TSGA10IP: variants seen among roughly 807,000 people sequenced by gnomAD.
The protein encoded by TSGA10IP is testis-specific protein 10-interacting protein.
A neutral mutation model predicts 63.2 loss-of-function variants in TSGA10IP; 64 were observed. The ratio of observed to expected loss-of-function variants is 1.01; its 90% CI spans 0.83 to 1.25. The LOEUF (loss-of-function observed/expected upper bound fraction) is 1.25. TSGA10IP is among the 50% of genes most tolerant of loss of function. The pLI, the probability that TSGA10IP is intolerant of heterozygous loss-of-function variation, is 0.00. For missense variants in TSGA10IP, 681 were observed against 710.1 expected (o/e 0.96, Z 0.47); for synonymous variants, 316 against 298.3 (o/e 1.06, Z -0.61).
At chr11:65,958,116 G>A (rs1007878634) in intron 5 of TSGA10IP, among the ~76,000 whole-genome samples, 4 of 152,000 alleles carry the variant, frequency 2.6e-5, no homozygotes, top group Non-Finnish European at 5.9e-5. Context: ...ACCATGTCTG[G>A]CTAATTTTTG....
At chr11:65,959,728 A>T in intron 7 of TSGA10IP, 89 bp from the exon 8 acceptor site, 1 of 1,470,542 alleles carries the variant, frequency 6.8e-7, no homozygotes, top group Non-Finnish European at 9.0e-7. Flanking sequence ...GCCGGCACTG[A>T]AGCAGGGTTT....
At chr11:65,947,794 G>A (rs761438471) in exon 3 of TSGA10IP, 13 of 1,576,818 alleles carry the variant, frequency 8.2e-6, no homozygotes, top group Non-Finnish European at 1.1e-5. Flanking sequence ...ACCTGGAGAA[G>A]CTGCACAGGC....
intron 4 of TSGA10IP, among the ~76,000 whole-genome samples, chr11:65,949,037 C>T (rs542720324): frequency 6.6e-6 from 1 of 150,968 alleles, no homozygotes; most frequent in Admixed American, 6.6e-5. Context: ...CCTGTCTCTA[C>T]AAAGGAAAAA....
chr11:65,954,421 G>A (rs967888285), intron 5 of TSGA10IP, among the ~76,000 whole-genome samples: 8 of 150,106 alleles, frequency 5.3e-5, no homozygotes, highest in African/African-American at 1.7e-4. Context: ...TGATCCACCC[G>A]CCTCAGCCTC....
rs1854808342 is a variant in TSGA10IP, at chr11:65,945,481, TG to T, written c.-192del. 3 of 589,572 alleles carry T rather than the reference TG, an allele frequency of 5.1e-6. No homozygotes were observed. The Admixed American group carries it at 9.4e-5, about 18-fold the overall frequency. The allele number at this position is 589,572 out of a possible 1,614,324, so 36.5% of individuals were successfully genotyped here. A position where few individuals can be genotyped will look rare whatever the true frequency, so the allele number is the denominator to read the frequency against. The stretch of plus-strand genomic sequence containing the variant: ...CTGTGGATGAGGCAGAGGCAGGACT[TG>T]GGCCTGGGTCTCTGCGCTAAATGAC... On this transcript the variant is annotated 5_prime_UTR_variant, in exon 1 of 8. Coordinates refer to ENST00000532620, the Ensembl canonical transcript of TSGA10IP.
At chr11:65,947,659 T>C (rs1269896539) in exon 3 of TSGA10IP, 3 of 1,611,320 alleles carry the variant, frequency 1.9e-6, no homozygotes, top group Non-Finnish European at 2.5e-6. Flanking sequence ...GGCAGATTTC[T>C]GGAGAGGAAG....
chr11:65,954,134 C>T (rs920201297), intron 5 of TSGA10IP, among the ~76,000 whole-genome samples: 6 of 151,626 alleles, frequency 4.0e-5, no homozygotes, highest in African/African-American at 9.7e-5. Context: ...TGAAGAGTCG[C>T]GTTTTGTTCT....
exon 7 of TSGA10IP, chr11:65,959,213 T>G: frequency 6.2e-7 from 1 of 1,606,258 alleles, no homozygotes; most frequent in Non-Finnish European, 8.5e-7. Context: ...TCACCGTCAC[T>G]CGGCGCTTCT....
chr11:65,945,671 G>A lies in TSGA10IP; in HGVS notation c.-5G>A, dbSNP rs767041712. Reference sequence around the variant, plus strand: ...TTCTACGGTGCGGATGGGGGATGGGGCAGGATGGGGCAGGACACCGATATG... The same window carrying A: ...TTCTACGGTGCGGATGGGGGATGGGACAGGATGGGGCAGGACACCGATATG... On this transcript the variant is annotated 5_prime_UTR_variant, in exon 1 of 8. Coordinates refer to ENST00000532620, the Ensembl canonical transcript of TSGA10IP. The A allele has an allele frequency of 1.9e-5, 30 of 1,612,840 alleles. 1 individual carries two copies. The South Asian group carries it at 3.2e-4, about 17-fold the overall frequency.
intron 5 of TSGA10IP, among the ~76,000 whole-genome samples, chr11:65,954,534 G>A (rs573091290): frequency 6.6e-6 from 1 of 152,024 alleles, no homozygotes; most frequent in African/African-American, 2.4e-5. Flanking sequence ...TAACAGGTCC[G>A]TGAAGCAGGG....
chr11:65,946,810 C>T, intron 1 of TSGA10IP, 70 bp from the exon 2 acceptor site: 2 of 1,545,206 alleles, frequency 1.3e-6, no homozygotes, highest in Non-Finnish European at 1.8e-6. Flanking sequence ...GAGGGAGCAC[C>T]CGGGTGAGGT....
At chr11:65,959,852 C>G in exon 8 of TSGA10IP, 2 of 1,589,572 alleles carry the variant, frequency 1.3e-6, no homozygotes, top group Non-Finnish European at 1.7e-6. Flanking sequence ...ATGGAGCACT[C>G]TCCTCAGAGG....
At chr11:65,946,683 C>G (rs747378965) in intron 1 of TSGA10IP, among the ~76,000 whole-genome samples, 197 bp from the exon 2 acceptor site, 1 of 152,206 alleles carries the variant, frequency 6.6e-6, no homozygotes, top group East Asian at 1.9e-4. Flanking sequence ...GATCCGCCCC[C>G]CTTGGCCTCC....
In TSGA10IP at chr11:65,945,699, A is replaced by AAATACCTACCAACAGTT. The variant is rs530871335; in HGVS notation, c.25_41dup (p.Val15IlefsTer161). 9.9e-4 allele frequency: 1,605 copies of AAATACCTACCAACAGTT among 1,613,864 alleles called. 14 individuals carry two copies. The African/African-American group carries it at 0.018, about 18-fold the overall frequency. On this transcript the variant is annotated frameshift_variant, in exon 1 of 8. Coordinates refer to ENST00000532620, the Ensembl canonical transcript of TSGA10IP. LOFTEE classifies it high-confidence loss of function. Reference sequence around the variant, plus strand: ...GGATGGGGCAGGACACCGATATGCTAAATACCTACCAACAGTTGGTTAGGA... The same window carrying AAATACCTACCAACAGTT: ...GGATGGGGCAGGACACCGATATGCTAAATACCTACCAACAGTTAATACCTACCAACAGTTGGTTAGGA...
exon 3 of TSGA10IP, chr11:65,947,496 A>C: frequency 6.2e-7 from 1 of 1,613,016 alleles, no homozygotes; most frequent in Non-Finnish European, 8.5e-7. Flanking sequence ...GGTGCTGAGG[A>C]GGCCGAGAGG....
intron 4 of TSGA10IP, among the ~76,000 whole-genome samples, chr11:65,951,199 T>G (rs919535957): frequency 3.3e-5 from 5 of 152,154 alleles, no homozygotes; most frequent in African/African-American, 4.8e-5. Context: ...CTAATTTCAT[T>G]TCCTTTGAAT....
intron 5 of TSGA10IP, among the ~76,000 whole-genome samples, chr11:65,954,816 C>T (rs1277706153): frequency 7.3e-6 from 1 of 137,268 alleles, no homozygotes; most frequent in Non-Finnish European, 1.5e-5. Flanking sequence ...AAAACTCCAT[C>T]TCAAAAAAAA....
chr11:65,947,410 C>T, exon 3 of TSGA10IP: 1 of 1,613,432 alleles, frequency 6.2e-7, no homozygotes. Context: ...CAGAGCCCCC[C>T]AGTGGTCTCC....
exon 1 of TSGA10IP, chr11:65,945,788 T>C (rs534802185): frequency 1.2e-6 from 2 of 1,613,926 alleles, no homozygotes; most frequent in South Asian, 2.2e-5. Flanking sequence ...ACGGGGCTGC[T>C]CAAGCTGCTG....
Sources: gnomAD v4.1 joint callset for allele counts (sites outside exome capture counted in the v4.1 genomes callset) on GRCh38, gnomAD v4.1.1 for gene constraint, MANE v1.5 for transcripts, NCBI Gene and HGNC (gene_info 2026-07-23, HGNC 2026-07-21) for gene names.